OSBPL10: variants seen among roughly 807,000 people sequenced by gnomAD.
OSBPL10 encodes oxysterol-binding protein-related protein 10.
OSBPL10 carries 49 observed loss-of-function variants against 81.7 expected under a neutral mutation model. The observed-to-expected ratio is 0.60, with a 90% CI of 0.48 to 0.76. OSBPL10 has a LOEUF of 0.76. Ranked by LOEUF, OSBPL10 falls within the 30% of genes least tolerant of loss-of-function variation. The pLI is 0.00. For synonymous variants in OSBPL10, 419 were observed against 383.6 expected (o/e 1.09, Z -1.08); for missense variants, 923 against 987.8 (o/e 0.93, Z 0.88).
chr3:31,772,463 T>G (rs1698410026), intron 4 of OSBPL10, among the ~76,000 whole-genome samples: 2 of 152,248 alleles, frequency 1.3e-5, no homozygotes, highest in Non-Finnish European at 2.9e-5. Context: ...ACAACTCATC[T>G]TGGTGGATTT....
intron 2 of OSBPL10, among the ~76,000 whole-genome samples, chr3:32,014,335 T>C (rs1699292285): frequency 6.6e-6 from 1 of 152,114 alleles, no homozygotes; most frequent in Non-Finnish European, 1.5e-5. Flanking sequence ...ACAGAACCAA[T>C]GACAAAAAGT....
At chr3:31,999,975 AAAT>A (rs1699129300) in intron 2 of OSBPL10, among the ~76,000 whole-genome samples, 1 of 152,170 alleles carries the variant, frequency 6.6e-6, no homozygotes, top group African/African-American at 2.4e-5. Flanking sequence ...CTTTGACTTT[AAAT>A]ATCTAGTGGT....
chr3:31,716,693 C>T (rs1696450939), intron 6 of OSBPL10, among the ~76,000 whole-genome samples: 1 of 152,174 alleles, frequency 6.6e-6, no homozygotes. Context: ...CAAACACAGA[C>T]ATATGGACAA....
intron 1 of OSBPL10, among the ~76,000 whole-genome samples, chr3:32,070,099 G>C (rs935026676): frequency 6.6e-6 from 1 of 152,176 alleles, no homozygotes; most frequent in African/African-American, 2.4e-5. Flanking sequence ...CACATTGGAA[G>C]CCCCCTGGAC....
At chr3:31,981,594 A>C (rs1185303525), upstream of OSBPL10, among the ~76,000 whole-genome samples, 5 of 152,106 alleles carry the variant, frequency 3.3e-5, no homozygotes, top group Admixed American at 3.3e-4. This position sits in a 1 kb window ranked among gnomAD's most constrained non-coding sequence, Gnocchi z 4.5. Context: ...TCACCCACGC[A>C]TTCCTTCTGC....
intron 1 of OSBPL10, among the ~76,000 whole-genome samples, chr3:31,961,592 A>T (rs557882364): frequency 6.6e-6 from 1 of 152,106 alleles, no homozygotes; most frequent in Non-Finnish European, 1.5e-5. Context: ...GTCTTTTGAC[A>T]TTTGTATTTT....
At chr3:31,691,982 C>A (rs17027992) in intron 7 of OSBPL10, among the ~76,000 whole-genome samples, 7,943 of 152,242 alleles carry the variant, frequency 0.052, 681 homozygotes, top group African/African-American at 0.18. Context: ...TTTCCTTAAC[C>A]TGCCAGGTTC....
At chr3:31,858,696 C>T (rs1011165340) in intron 3 of OSBPL10, among the ~76,000 whole-genome samples, 1 of 152,198 alleles carries the variant, frequency 6.6e-6, no homozygotes, top group African/African-American at 2.4e-5. Flanking sequence ...AATCCTGCAG[C>T]ATCACAGAAA....
chr3:31,781,135 C>T (rs2125769718), intron 4 of OSBPL10, among the ~76,000 whole-genome samples: 1 of 152,202 alleles, frequency 6.6e-6, no homozygotes, highest in African/African-American at 2.4e-5. Flanking sequence ...GGGTTTCATA[C>T]CAGGGATTCA....
At chr3:32,016,210 T>C (rs1456763825) in intron 2 of OSBPL10, among the ~76,000 whole-genome samples, 3 of 152,122 alleles carry the variant, frequency 2.0e-5, no homozygotes, top group Non-Finnish European at 4.4e-5. Flanking sequence ...TGTCCAACAA[T>C]GATAGACTGG....
intron 7 of OSBPL10, among the ~76,000 whole-genome samples, chr3:31,696,660 C>CT (rs1425234328): frequency 6.6e-6 from 1 of 152,248 alleles, no homozygotes; most frequent in Non-Finnish European, 1.5e-5. Flanking sequence ...ATCTCCTTTG[C>CT]TAGATTCTTC....
At chr3:31,808,044 T>A (rs1301097907) in intron 4 of OSBPL10, among the ~76,000 whole-genome samples, 2 of 152,206 alleles carry the variant, frequency 1.3e-5, no homozygotes, top group African/African-American at 2.4e-5. Flanking sequence ...CAGACACTAC[T>A]TCTATCCCGA....
intron 1 of OSBPL10, among the ~76,000 whole-genome samples, chr3:31,931,861 G>C (rs1697258022): frequency 6.6e-6 from 1 of 152,100 alleles, no homozygotes; most frequent in Non-Finnish European, 1.5e-5. Context: ...TGGATCTCTT[G>C]AGTCCCAGAG....
intron 4 of OSBPL10, among the ~76,000 whole-genome samples, chr3:31,758,426 G>A (rs1169535835): frequency 2.6e-5 from 4 of 152,122 alleles, no homozygotes; most frequent in Admixed American, 6.5e-5. Flanking sequence ...ATGACAGGAT[G>A]GGAGGTCCAA....
At chr3:31,688,201 C>T (rs1483298312) in intron 7 of OSBPL10, among the ~76,000 whole-genome samples, 11 of 151,368 alleles carry the variant, frequency 7.3e-5, no homozygotes, top group Admixed American at 1.3e-4. Flanking sequence ...TAAGAGATAA[C>T]GCCCCCACCT....
intron 1 of OSBPL10, among the ~76,000 whole-genome samples, chr3:31,898,844 ATGGAT>A (rs1696142031): frequency 6.6e-6 from 1 of 151,136 alleles, no homozygotes; most frequent in African/African-American, 2.4e-5. Flanking sequence ...TGTTTAACTT[ATGGAT>A]TCTTTTTAAG....
At chr3:31,926,289 G>GCACCCCC (rs1553641093) in intron 1 of OSBPL10, among the ~76,000 whole-genome samples, 1 of 130,114 alleles carries the variant, frequency 7.7e-6, no homozygotes, top group Non-Finnish European at 1.6e-5. Context: ...GGGTGATTTT[G>GCACCCCC]CCCCCCCAGA....
At chr3:32,059,025 G>A (rs1316346361) in intron 1 of OSBPL10, among the ~76,000 whole-genome samples, 1 of 152,170 alleles carries the variant, frequency 6.6e-6, no homozygotes, top group African/African-American at 2.4e-5. Flanking sequence ...CTGGCCGGGT[G>A]TGGTGGCTCA....
In OSBPL10 at chr3:31,943,967, C is replaced by CAAA. The variant is rs55770286; in HGVS notation, c.281+36929_281+36931dup. ...TGGGCAACAGAGGAAGACTCCGTCT[C>CAAA]AAAAAAAAAAAAAAAAAAAAAAAAA... On this transcript the variant is annotated intron_variant, in intron 1 of 11. Transcript: ENST00000396556. 5.6e-4 allele frequency among the ~76,000 whole-genome samples: 21 copies of CAAA among 37,780 alleles called. 1 individual carries two copies. Among genetic ancestry groups the CAAA allele is most frequent in the South Asian group, 1.6e-3 (1 of 612 alleles). The allele number at this position is 37,780 out of a possible 152,430, so 24.8% of individuals were successfully genotyped here.
Sources: allele counts gnomAD v4.1 joint callset (sites outside exome capture counted in the v4.1 genomes callset), GRCh38; gene constraint gnomAD v4.1.1; non-coding constraint Gnocchi (gnomAD v3.1); transcripts MANE v1.5; gene names NCBI Gene and HGNC (gene_info 2026-07-23, HGNC 2026-07-21).